Variants in MAGI2 observed in about 807,000 individuals in gnomAD.
The protein encoded by MAGI2 is membrane-associated guanylate kinase, WW and PDZ domain-containing protein 2.
A neutral mutation model predicts 133.3 loss-of-function variants in MAGI2; 35 were observed. That is an observed-to-expected ratio of 0.26 (90% CI 0.20 to 0.35). The LOEUF (loss-of-function observed/expected upper bound fraction) is 0.35, where lower values mean the gene tolerates loss of function less well. MAGI2 is among the 10% of genes least tolerant of loss of function. MAGI2 has a pLI of 1.00. For synonymous variants in MAGI2, 729 were observed against 710.6 expected (o/e 1.03, Z -0.41); for missense variants, 1,636 against 1,863.4 (o/e 0.88, Z 2.25).
intron 3 of MAGI2, among the ~76,000 whole-genome samples, chr7:78,606,653 T>C (rs1805846384): frequency 6.6e-6 from 1 of 152,196 alleles, no homozygotes; most frequent in Admixed American, 6.5e-5. Context: ...CTTTTACATA[T>C]GGCTTCAATG....
intron 6 of MAGI2, among the ~76,000 whole-genome samples, chr7:78,466,714 G>A (rs1014235988): frequency 2.0e-5 from 3 of 152,128 alleles, no homozygotes; most frequent in Non-Finnish European, 2.9e-5. Context: ...ACGTGGTGGG[G>A]TGGTTCTAAG....
At chr7:79,278,738 A>G (rs1835419244) in intron 1 of MAGI2, among the ~76,000 whole-genome samples, 1 of 152,158 alleles carries the variant, frequency 6.6e-6, no homozygotes, top group Non-Finnish European at 1.5e-5. Flanking sequence ...ACAGTGGGCT[A>G]TGAAGGAAAG....
At chr7:78,968,222 T>C (rs1175542798) in intron 2 of MAGI2, among the ~76,000 whole-genome samples, 1 of 152,138 alleles carries the variant, frequency 6.6e-6, no homozygotes, top group Non-Finnish European at 1.5e-5. Context: ...CTTGATGCTT[T>C]GGCTCTGTGG....
At chr7:78,159,954 CG>C (rs1490382809) in intron 16 of MAGI2, 70 bp downstream of exon 16, 1 of 1,490,126 alleles carries the variant, frequency 6.7e-7, no homozygotes, top group East Asian at 2.3e-5. Context: ...TATACTTGTC[CG>C]GTATCTGTAT....
rs1324900701 is a variant in MAGI2, at chr7:78,767,246, T to C, written c.419-140007A>G. Among the ~76,000 whole-genome samples, 3 of 152,250 alleles carry C rather than the reference T, an allele frequency of 2.0e-5. No individual in the cohort carries two copies. The East Asian group carries it at 5.8e-4, about 30-fold the overall frequency. ...CCTTGTGATCCGCCTGCCTCGGCCT[T>C]CCAAAGTGCCAGGATTACAGGCGTG... On this transcript the variant is annotated intron_variant, in intron 2 of 21. Transcript: ENST00000354212.
At chr7:78,176,431 G>A (rs1053666092) in intron 14 of MAGI2, among the ~76,000 whole-genome samples, 3 of 152,082 alleles carry the variant, frequency 2.0e-5, no homozygotes, top group Non-Finnish European at 4.4e-5. Context: ...TATAAGCTCA[G>A]CTTCCTGGGG....
At chr7:78,963,899 G>C (rs1349229153) in intron 2 of MAGI2, among the ~76,000 whole-genome samples, 1 of 151,940 alleles carries the variant, frequency 6.6e-6, no homozygotes, top group Non-Finnish European at 1.5e-5. Context: ...TCGAACTCAG[G>C]GTTTTTTAAT....
At chr7:78,614,027 T>C (rs1806778747) in intron 3 of MAGI2, among the ~76,000 whole-genome samples, 2 of 151,836 alleles carry the variant, frequency 1.3e-5, no homozygotes, top group South Asian at 4.1e-4. Flanking sequence ...GGAGAATCAA[T>C]TGAACCTGGG....
chr7:78,761,886 TCTCCTCAC>T (rs960715464), intron 2 of MAGI2, among the ~76,000 whole-genome samples: 27 of 151,708 alleles, frequency 1.8e-4, no homozygotes, highest in African/African-American at 6.5e-4. Context: ...ATAAGACATC[TCTCCTCAC>T]CTCCTCATTG....
At chr7:79,132,990 A>G (rs922248649) in intron 1 of MAGI2, among the ~76,000 whole-genome samples, 18 of 151,748 alleles carry the variant, frequency 1.2e-4, no homozygotes, top group Admixed American at 2.6e-4. Context: ...CCACTTTTTG[A>G]TGGGATATTT....
chr7:78,890,960 A>G (rs1489896739), intron 2 of MAGI2, among the ~76,000 whole-genome samples: 3 of 152,168 alleles, frequency 2.0e-5, no homozygotes, highest in Admixed American at 6.5e-5. Flanking sequence ...GAAAAGACCA[A>G]CGCAATTGAT....
chr7:78,612,860 CG>C (rs542638499), intron 3 of MAGI2, among the ~76,000 whole-genome samples: 146 of 151,908 alleles, frequency 9.6e-4, no homozygotes, highest in African/African-American at 3.3e-3. Context: ...TTAGTAGAGA[CG>C]GGGTTTCACT....
intron 2 of MAGI2, among the ~76,000 whole-genome samples, chr7:78,763,522 C>T (rs765551524): frequency 5.9e-5 from 9 of 152,064 alleles, no homozygotes; most frequent in Admixed American, 1.3e-4. Context: ...TATGATATTT[C>T]GAAGGGATGA....
intron 13 of MAGI2, among the ~76,000 whole-genome samples, chr7:78,178,762 A>G (rs1826911682): frequency 6.6e-6 from 1 of 152,200 alleles, no homozygotes; most frequent in Non-Finnish European, 1.5e-5. Flanking sequence ...GTAGAAATTC[A>G]TCTGGGTCTA....
intron 2 of MAGI2, among the ~76,000 whole-genome samples, chr7:78,650,769 A>T (rs763442821): frequency 2.0e-5 from 3 of 152,146 alleles, no homozygotes; most frequent in Non-Finnish European, 2.9e-5. Flanking sequence ...ACACAATAAG[A>T]TATAACCAAT....
At chr7:78,125,612 A>C in intron 20 of MAGI2, 82 bp downstream of exon 20, 1 of 1,430,264 alleles carries the variant, frequency 7.0e-7, no homozygotes, top group Non-Finnish European at 9.6e-7. Flanking sequence ...CCCGCTTGAC[A>C]GCATGCTTCA....
chr7:78,297,130 C>A (rs1797333892), intron 9 of MAGI2, among the ~76,000 whole-genome samples: 1 of 152,156 alleles, frequency 6.6e-6, no homozygotes, highest in Admixed American at 6.5e-5. Context: ...AGGTGTGAGA[C>A]TGTAGGCTGC....
At chr7:78,911,666 A>G (rs201855782) in intron 2 of MAGI2, among the ~76,000 whole-genome samples, 14 of 31,076 alleles carry the variant, frequency 4.5e-4, no homozygotes, top group African/African-American at 1.6e-3. Context: ...TTATGTGTGT[A>G]TATATATATA....
At chr7:79,176,616 C>G (rs560847342) in intron 1 of MAGI2, among the ~76,000 whole-genome samples, 12 of 151,974 alleles carry the variant, frequency 7.9e-5, no homozygotes, top group African/African-American at 2.2e-4. Flanking sequence ...TATATAGATA[C>G]ATTAATAAGA....
Sources: gnomAD v4.1 joint callset for allele counts (sites outside exome capture counted in the v4.1 genomes callset) on GRCh38, gnomAD v4.1.1 for gene constraint, MANE v1.5 for transcripts, NCBI Gene and HGNC (gene_info 2026-07-23, HGNC 2026-07-21) for gene names.